MACROD2: variants seen among roughly 807,000 people sequenced by gnomAD.
MACROD2 encodes the protein mono-ADP ribosylhydrolase 2.
A neutral mutation model predicts 70.4 loss-of-function variants in MACROD2; 36 were observed. The observed-to-expected ratio is 0.51, with a 90% confidence interval of 0.39 to 0.68. The LOEUF is 0.68. MACROD2 is among the 30% of genes least tolerant of loss of function. The pLI, the probability that MACROD2 is intolerant of heterozygous loss-of-function variation, is 0.00. For missense variants in MACROD2, 496 were observed against 538.4 expected (o/e 0.92, Z 0.78); for synonymous variants, 172 against 178.8 (o/e 0.96, Z 0.30).
chr20:14,285,921 A>T (rs2082340026), intron 3 of MACROD2, among the ~76,000 whole-genome samples: 1 of 151,914 alleles, frequency 6.6e-6, no homozygotes, highest in South Asian at 2.1e-4. Context: ...GAACTTTGGG[A>T]TAGTGACTTT....
chr20:14,990,853 A>G (rs1183817433), intron 5 of MACROD2, among the ~76,000 whole-genome samples: 3 of 152,178 alleles, frequency 2.0e-5, no homozygotes, highest in South Asian at 2.1e-4. Context: ...CATGACTTTA[A>G]TATTCTAAAT....
intron 6 of MACROD2, among the ~76,000 whole-genome samples, chr20:15,419,154 G>A (rs2046194658): frequency 6.6e-6 from 1 of 152,030 alleles, no homozygotes; most frequent in Non-Finnish European, 1.5e-5. Flanking sequence ...TGGGTATTGG[G>A]GCAAATCCCA....
intron 8 of MACROD2, among the ~76,000 whole-genome samples, chr20:15,569,384 C>T (rs2048347907): frequency 6.6e-6 from 1 of 152,104 alleles, no homozygotes; most frequent in South Asian, 2.1e-4. Context: ...CAGGTATTAT[C>T]GTTTTTGTGG....
chr20:14,234,548 A>G (rs1019252133), intron 3 of MACROD2, among the ~76,000 whole-genome samples: 1 of 152,230 alleles, frequency 6.6e-6, no homozygotes, highest in Non-Finnish European at 1.5e-5. Context: ...CTATTTTAAT[A>G]GTTTTAGATG....
intron 5 of MACROD2, among the ~76,000 whole-genome samples, chr20:14,953,356 G>T (rs1226276378): frequency 6.6e-6 from 1 of 152,074 alleles, no homozygotes; most frequent in Non-Finnish European, 1.5e-5. Flanking sequence ...GCCCAGGTTG[G>T]AGTGCAGTGG....
At chr20:15,868,639 G>A (rs1425562381) in intron 9 of MACROD2, among the ~76,000 whole-genome samples, 1 of 144,302 alleles carries the variant, frequency 6.9e-6, no homozygotes, top group East Asian at 2.0e-4. Context: ...GTGACCATTG[G>A]TTGATAAACT....
chr20:15,733,416 C>A (rs2050974286), intron 8 of MACROD2, among the ~76,000 whole-genome samples: 1 of 151,818 alleles, frequency 6.6e-6, no homozygotes, highest in African/African-American at 2.4e-5. Context: ...ACTCTTTATT[C>A]TCTAGTTTTC....
chr20:15,541,042 A>G (rs377608838), intron 8 of MACROD2, among the ~76,000 whole-genome samples: 16 of 152,334 alleles, frequency 1.1e-4, no homozygotes, highest in African/African-American at 3.6e-4. Flanking sequence ...TCTTCAAGGC[A>G]GGGATTTTTA....
intron 5 of MACROD2, among the ~76,000 whole-genome samples, chr20:15,132,640 C>G (rs1031378635): frequency 2.0e-5 from 3 of 151,744 alleles, no homozygotes; most frequent in African/African-American, 7.3e-5. Flanking sequence ...AAAAAACTTT[C>G]AAATAATTCT....
chr20:14,322,135 G>T (rs567685490), intron 3 of MACROD2, among the ~76,000 whole-genome samples: 26 of 127,110 alleles, frequency 2.0e-4, no homozygotes, highest in Non-Finnish European at 3.5e-4. Flanking sequence ...ATTATTGAGT[G>T]CCCTTTAAGG....
intron 6 of MACROD2, among the ~76,000 whole-genome samples, chr20:15,389,622 G>C (rs765306995): frequency 1.3e-5 from 2 of 152,142 alleles, no homozygotes; most frequent in East Asian, 1.9e-4. Flanking sequence ...TAAGATAAAG[G>C]CTGTAAAATA....
chr20:14,426,629 A>G (rs1476774357), intron 3 of MACROD2, among the ~76,000 whole-genome samples: 1 of 152,118 alleles, frequency 6.6e-6, no homozygotes, highest in Non-Finnish European at 1.5e-5. Context: ...ATGATGATCC[A>G]TTTGGGCTAT....
At chr20:14,671,293 A>C (rs139854454) in intron 4 of MACROD2, among the ~76,000 whole-genome samples, 120 of 152,318 alleles carry the variant, frequency 7.9e-4, no homozygotes, top group African/African-American at 2.6e-3. Context: ...CATCTGAAAA[A>C]TACATCTTTA....
chr20:15,535,191 A>G lies in MACROD2; in HGVS notation c.645+35344A>G, dbSNP rs115078114. Reference sequence around the variant, plus strand: ...GGGGTCATGCTATGTTGCCCAGATTAGTCTTGAACTTGCTTTTTAAGCAGT... The same window carrying G: ...GGGGTCATGCTATGTTGCCCAGATTGGTCTTGAACTTGCTTTTTAAGCAGT... On this transcript the variant is annotated intron_variant, in intron 8 of 17. Coordinates refer to ENST00000684519, the MANE Select transcript of MACROD2 (RefSeq NM_001351661.2). Among the ~76,000 whole-genome samples, 542 of 152,248 alleles carry G rather than the reference A, an allele frequency of 3.6e-3. 3 individuals carry two copies. Among genetic ancestry groups the G allele is most frequent in the African/African-American group, 0.012 (513 of 41,538 alleles).
At chr20:14,059,729 G>T (rs943738285) in intron 2 of MACROD2, among the ~76,000 whole-genome samples, 3 of 152,118 alleles carry the variant, frequency 2.0e-5, no homozygotes, top group African/African-American at 7.2e-5. Flanking sequence ...AGTCATGAAC[G>T]AAACAGGATT....
chr20:14,240,503 C>T (rs1039163483), intron 3 of MACROD2, among the ~76,000 whole-genome samples: 14 of 152,156 alleles, frequency 9.2e-5, no homozygotes, highest in African/African-American at 3.1e-4. Context: ...GAATACTATA[C>T]AGCCCCCCAA....
chr20:15,379,320 A>G (rs1188994257), intron 6 of MACROD2, among the ~76,000 whole-genome samples: 1 of 151,702 alleles, frequency 6.6e-6, no homozygotes, highest in Admixed American at 6.6e-5. Flanking sequence ...AGGACATTCT[A>G]TAAAATTACC....
intron 8 of MACROD2, among the ~76,000 whole-genome samples, chr20:15,625,422 A>G (rs967184160): frequency 3.3e-5 from 5 of 152,214 alleles, no homozygotes; most frequent in Non-Finnish European, 2.9e-5. Flanking sequence ...GGAAAGGTCA[A>G]TGGCAATGGG....
intron 7 of MACROD2, among the ~76,000 whole-genome samples, chr20:15,481,587 A>G (rs1397830499): frequency 6.6e-6 from 1 of 151,532 alleles, no homozygotes; most frequent in Non-Finnish European, 1.5e-5. Context: ...AAAGAACTGC[A>G]TTACATAAAT....
Sources: gnomAD v4.1 joint callset for allele counts (sites outside exome capture counted in the v4.1 genomes callset) on GRCh38, gnomAD v4.1.1 for gene constraint, MANE v1.5 for transcripts, NCBI Gene and HGNC (gene_info 2026-07-23, HGNC 2026-07-21) for gene names.